The following RNF180 variants were observed in gnomAD, a reference collection of about 807,000 sequenced individuals.
The protein encoded by RNF180 is E3 ubiquitin-protein ligase RNF180.
In RNF180, 38 loss-of-function variants were observed where a neutral mutation model predicts 59.2. The ratio of observed to expected loss-of-function variants is 0.64; its 90% CI spans 0.50 to 0.84. RNF180 has a LOEUF of 0.84. Ranked by LOEUF, RNF180 falls within the 40% of genes least tolerant of loss-of-function variation. The pLI is 0.00. For missense variants in RNF180, 705 were observed against 700.9 expected (o/e 1.01, Z -0.07); for synonymous variants, 262 against 240.3 (o/e 1.09, Z -0.84).
At chr5:64,241,399 C>A (rs549624713) in intron 5 of RNF180, among the ~76,000 whole-genome samples, 1 of 152,260 alleles carries the variant, frequency 6.6e-6, no homozygotes, top group South Asian at 2.1e-4. Flanking sequence ...GTGGCTGATC[C>A]AGACACCTTT....
chr5:64,250,547 C>G (rs1743501736), intron 5 of RNF180, among the ~76,000 whole-genome samples: 1 of 151,258 alleles, frequency 6.6e-6, no homozygotes, highest in South Asian at 2.1e-4. Context: ...TGAGAAGACT[C>G]AAATAAATTT....
chr5:64,214,160 TTCCTTTCAGA>T lies in RNF180; in HGVS notation c.835_844del (p.Ser279IlefsTer33). The T allele has an allele frequency of 1.2e-6, 2 of 1,614,196 alleles. No individual in the cohort carries two copies. Among genetic ancestry groups the T allele is most frequent in the Non-Finnish European group, 1.7e-6 (2 of 1,180,032 alleles). On this transcript the variant is annotated frameshift_variant, in exon 4 of 8. Coordinates refer to ENST00000389100, the MANE Select transcript of RNF180 (RefSeq NM_001113561.2). LOFTEE classifies it high-confidence loss of function. ...CTTTACAATCTAGTAAAAATAGCTATTCCTTTCAGAATCCATCCAGTTTTGATCCTAGTAT... is the reference window on the plus strand; with the variant it reads ...CTTTACAATCTAGTAAAAATAGCTATATCCATCCAGTTTTGATCCTAGTAT...
At chr5:64,325,110 T>A (rs1744567837) in intron 5 of RNF180, 76 bp from the exon 6 acceptor site, 11 of 899,064 alleles carry the variant, frequency 1.2e-5, no homozygotes, top group Non-Finnish European at 1.4e-5. Flanking sequence ...TTGTTCATTT[T>A]AACAAAATAT....
chr5:64,281,793 G>C (rs561567054), intron 5 of RNF180, among the ~76,000 whole-genome samples: 2 of 152,210 alleles, frequency 1.3e-5, no homozygotes, highest in African/African-American at 4.8e-5. Context: ...ACCGTGCCTC[G>C]CTGAGGATTT....
intron 7 of RNF180, among the ~76,000 whole-genome samples, chr5:64,337,475 T>C (rs1055527447): frequency 1.3e-5 from 2 of 152,190 alleles, no homozygotes; most frequent in Non-Finnish European, 2.9e-5. Context: ...TGGTTTCCTA[T>C]TGTTGTCTAG....
chr5:64,239,835 T>G (rs1322247809), intron 5 of RNF180, among the ~76,000 whole-genome samples: 1 of 152,190 alleles, frequency 6.6e-6, no homozygotes, highest in African/African-American at 2.4e-5. Flanking sequence ...ATCTGTACCT[T>G]AAATGACAAA....
intron 5 of RNF180, among the ~76,000 whole-genome samples, chr5:64,244,335 A>G (rs370433109): frequency 6.6e-6 from 1 of 152,296 alleles, no homozygotes; most frequent in East Asian, 1.9e-4. Context: ...AAGGAAGCTA[A>G]GAACCTTGAA....
chr5:64,314,417 A>G (rs1432189428), intron 5 of RNF180, among the ~76,000 whole-genome samples: 1 of 152,072 alleles, frequency 6.6e-6, no homozygotes, highest in Non-Finnish European at 1.5e-5. Flanking sequence ...TATCATTGAT[A>G]TTGACAATAT....
chr5:64,317,687 AC>A (rs1383113279), intron 5 of RNF180, among the ~76,000 whole-genome samples: 1 of 150,898 alleles, frequency 6.6e-6, no homozygotes, highest in African/African-American at 2.4e-5. Context: ...ATGGTCCAAG[AC>A]CCCCCAGTGG....
chr5:64,281,654 A>C (rs552155718), intron 5 of RNF180, among the ~76,000 whole-genome samples: 1 of 152,028 alleles, frequency 6.6e-6, no homozygotes, highest in African/African-American at 2.4e-5. Context: ...ATGCGCCACC[A>C]TGCCTGGCTA....
intron 5 of RNF180, among the ~76,000 whole-genome samples, chr5:64,324,038 C>T (rs541923985): frequency 1.1e-4 from 16 of 152,022 alleles, no homozygotes; most frequent in African/African-American, 2.4e-4. Context: ...TGACTTCAGG[C>T]GAAATAACAC....
At chr5:64,359,973 C>G (rs1317295681) in intron 7 of RNF180, among the ~76,000 whole-genome samples, 2 of 151,958 alleles carry the variant, frequency 1.3e-5, no homozygotes, top group Non-Finnish European at 2.9e-5. Flanking sequence ...TCTGAGGGCT[C>G]TGTTCTGTTC....
chr5:64,231,675 C>T (rs1381213842), intron 5 of RNF180, among the ~76,000 whole-genome samples: 1 of 152,230 alleles, frequency 6.6e-6, no homozygotes, highest in Non-Finnish European at 1.5e-5. Flanking sequence ...GTTTAAGATT[C>T]TCTTCTTACT....
intron 5 of RNF180, among the ~76,000 whole-genome samples, chr5:64,323,420 A>T (rs542504676): frequency 7.9e-5 from 12 of 152,236 alleles, no homozygotes; most frequent in African/African-American, 2.9e-4. Flanking sequence ...GCATGCCTGT[A>T]ATCCCAACTA....
intron 5 of RNF180, among the ~76,000 whole-genome samples, chr5:64,219,423 G>A (rs1231397413): frequency 6.6e-6 from 1 of 151,830 alleles, no homozygotes; most frequent in Non-Finnish European, 1.5e-5. Context: ...TCTGTTTTTT[G>A]TAATGTCTTT....
At position 64,359,479 on chromosome 5, in the gene RNF180, GTTGT is replaced by G. The variant is rs769588966; in HGVS notation, c.1580-10129_1580-10126del. On this transcript the variant is annotated intron_variant, in intron 7 of 7. Coordinates refer to ENST00000389100, the MANE Select transcript of RNF180 (RefSeq NM_001113561.2). ...TGTCCTTCGCCCACTTTTTGATGGG[GTTGT>G]TTGTTTTTTTCTTGTAAATTTGTTT... is the stretch of plus-strand genomic sequence containing the variant. Among the ~76,000 whole-genome samples, 362 of 152,018 alleles carry G rather than the reference GTTGT, an allele frequency of 2.4e-3. 1 individual carries two copies. The highest frequency in any genetic ancestry group is 3.8e-3 in the Non-Finnish European group (256 of 67,918).
intron 7 of RNF180, among the ~76,000 whole-genome samples, chr5:64,340,820 A>C (rs1419636793): frequency 2.0e-5 from 3 of 152,170 alleles, no homozygotes; most frequent in Non-Finnish European, 4.4e-5. Context: ...TTCATGACCC[A>C]AATGACTTAT....
chr5:64,205,350 T>C (rs1751962086), intron 2 of RNF180, among the ~76,000 whole-genome samples: 1 of 152,050 alleles, frequency 6.6e-6, no homozygotes, highest in East Asian at 1.9e-4. Flanking sequence ...ATCTACAACG[T>C]CCACAAGGAG....
At chr5:64,173,521 T>C (rs1750055607) in intron 1 of RNF180, among the ~76,000 whole-genome samples, 1 of 152,140 alleles carries the variant, frequency 6.6e-6, no homozygotes, top group Admixed American at 6.6e-5. Context: ...TACAATATAG[T>C]GTCGTTAACT....
Sources: allele counts gnomAD v4.1 joint callset (sites outside exome capture counted in the v4.1 genomes callset), GRCh38; gene constraint gnomAD v4.1.1; transcripts MANE v1.5; gene names NCBI Gene and HGNC (gene_info 2026-07-23, HGNC 2026-07-21).